The following CDIP1 variants were observed in gnomAD, a reference collection of about 807,000 sequenced individuals.
CDIP1 encodes cell death-inducing p53-target protein 1.
A neutral mutation model predicts 17.7 loss-of-function variants in CDIP1; 9 were observed. The ratio of observed to expected loss-of-function variants is 0.51; its 90% CI spans 0.31 to 0.89. CDIP1 has a LOEUF of 0.89. Ranked by LOEUF, CDIP1 falls within the 40% of genes least tolerant of loss-of-function variation. The pLI is 0.05. For synonymous variants in CDIP1, 117 were observed against 109.5 expected (o/e 1.07, Z -0.43); for missense variants, 263 against 277.9 (o/e 0.95, Z 0.38).
intron 1 of CDIP1, among the ~76,000 whole-genome samples, chr16:4,520,084 A>C (rs2058929567): frequency 6.6e-6 from 1 of 151,720 alleles, no homozygotes; most frequent in Admixed American, 6.6e-5. Flanking sequence ...AGCACAATGG[A>C]CTAATACTAC....
intron 1 of CDIP1, among the ~76,000 whole-genome samples, chr16:4,528,557 C>A (rs2059023731): frequency 6.6e-6 from 1 of 151,980 alleles, no homozygotes; most frequent in African/African-American, 2.4e-5. Flanking sequence ...TGGCTCACGC[C>A]TATAATCCCA....
chr16:4,531,001 T>A (rs11644481), intron 1 of CDIP1, among the ~76,000 whole-genome samples: 3 of 151,462 alleles, frequency 2.0e-5, no homozygotes, highest in East Asian at 1.9e-4. Context: ...AAACAGGAGC[T>A]CACGTCATGA....
chr16:4,532,308 C>T (rs775879602), intron 1 of CDIP1: 1 of 152,266 alleles, frequency 6.6e-6, no homozygotes, highest in Non-Finnish European at 1.5e-5. Flanking sequence ...GGCAGATCAA[C>T]GTCTGTCTTA....
chr16:4,523,246 T>C (rs2058969046), intron 1 of CDIP1, among the ~76,000 whole-genome samples: 1 of 152,200 alleles, frequency 6.6e-6, no homozygotes, highest in African/African-American at 2.4e-5. Context: ...CTGGGCGCAG[T>C]GGCTCACGCC....
chr16:4,522,871 T>C (rs946831915), intron 1 of CDIP1, among the ~76,000 whole-genome samples: 15 of 152,312 alleles, frequency 9.8e-5, no homozygotes, highest in African/African-American at 3.6e-4. Flanking sequence ...TGGCCCACAC[T>C]AGGCCTTTCC....
At position 4,512,207 on chromosome 16, in the gene CDIP1, C is replaced by T. The variant is rs2058837342; in HGVS notation, c.*365G>A. ...ACTAACTGGCTAACTGCTCTGGCTG[C>T]TGTTGGTCCCAGGGGGAAAGAGTCT... is the stretch of plus-strand genomic sequence containing the variant. On this transcript the variant is annotated 3_prime_UTR_variant, in exon 6 of 6. Coordinates refer to ENST00000567695, the MANE Select transcript of CDIP1 (RefSeq NM_013399.3). The surrounding 1 kb of genome is among the most constrained non-coding windows in gnomAD (Gnocchi z 4.6). 3.6e-5 allele frequency: 10 copies of T among 280,926 alleles called. No homozygotes were observed. In the South Asian group the frequency reaches 4.1e-4, roughly 12 times the overall value. The allele number at this position is 280,926 out of a possible 1,614,324, so 17.4% of individuals were successfully genotyped here. A position where few individuals can be genotyped will look rare whatever the true frequency, so the allele number is the denominator to read the frequency against.
At chr16:4,523,254 G>A (rs1177176308) in intron 1 of CDIP1, among the ~76,000 whole-genome samples, 2 of 152,314 alleles carry the variant, frequency 1.3e-5, no homozygotes, top group Middle Eastern at 3.4e-3. Flanking sequence ...AGTGGCTCAC[G>A]CCTGTAATCC....
At chr16:4,519,122 AC>A in intron 1 of CDIP1, among the ~76,000 whole-genome samples, 1 of 151,914 alleles carries the variant, frequency 6.6e-6, no homozygotes, top group African/African-American at 2.4e-5. Context: ...ATAGTAAGTC[AC>A]TCCTATGGAA....
At chr16:4,534,880 G>A (rs1276028458) in intron 1 of CDIP1, among the ~76,000 whole-genome samples, 6 of 151,780 alleles carry the variant, frequency 4.0e-5, no homozygotes, top group Non-Finnish European at 5.9e-5. Context: ...CACCACACCC[G>A]GCTAATTTTG....
At chr16:4,525,275 T>A (rs528964864) in intron 1 of CDIP1, among the ~76,000 whole-genome samples, 3 of 152,174 alleles carry the variant, frequency 2.0e-5, no homozygotes, top group Non-Finnish European at 4.4e-5. Context: ...CTGGAGCAGA[T>A]GCTTCCGTAG....
rs1025188297 is a variant in CDIP1, at chr16:4,513,343, G to T, written c.242-279C>A. ...CATGGCCCGGTCCCTCTGCTCCTCTGTCTGTCTCCAGCATGCAAGGACAGG... is the reference window on the plus strand; with the variant it reads ...CATGGCCCGGTCCCTCTGCTCCTCTTTCTGTCTCCAGCATGCAAGGACAGG... On this transcript the variant is annotated intron_variant, in intron 4 of 5. Coordinates refer to ENST00000567695, the MANE Select transcript of CDIP1 (RefSeq NM_013399.3). This position sits in a 1 kb window ranked among gnomAD's most constrained non-coding sequence, Gnocchi z 4.1. Among the ~76,000 whole-genome samples, 1 of 152,066 alleles carries T rather than the reference G, an allele frequency of 6.6e-6. No homozygotes were observed. Among genetic ancestry groups the T allele is most frequent in the Non-Finnish European group, 1.5e-5 (1 of 68,010 alleles).
rs146416748 is a variant in CDIP1, at chr16:4,514,138, G to C, written c.-8C>G. On this transcript the variant is annotated 5_prime_UTR_variant, in exon 3 of 6. Coordinates refer to ENST00000567695, the MANE Select transcript of CDIP1 (RefSeq NM_013399.3). The surrounding 1 kb of genome is among the most constrained non-coding windows in gnomAD (Gnocchi z 5.2). ...GGGAGGCTCGCTGGACATCTTCGCT[G>C]CTTCTCCTGGACATGGAGGGAAAAC... 3.8e-4 allele frequency: 581 copies of C among 1,528,956 alleles called. 3 individuals are homozygous for C. In the African/African-American group the frequency reaches 7.9e-3, roughly 21 times the overall value. The allele number at this position is 1,528,956 out of a possible 1,614,324, so 94.7% of individuals were successfully genotyped here. A position where few individuals can be genotyped will look rare whatever the true frequency, so the allele number is the denominator to read the frequency against.
At chr16:4,527,371 G>T (rs989965682) in intron 1 of CDIP1, among the ~76,000 whole-genome samples, 3 of 152,154 alleles carry the variant, frequency 2.0e-5, no homozygotes, top group African/African-American at 4.8e-5. Flanking sequence ...ACAGGCAAGT[G>T]CCACCGCACC....
At chr16:4,522,255 G>A (rs1237531021) in intron 1 of CDIP1, among the ~76,000 whole-genome samples, 1 of 152,224 alleles carries the variant, frequency 6.6e-6, no homozygotes, top group Non-Finnish European at 1.5e-5. Flanking sequence ...GGTGGGCTGT[G>A]GAAATGCCAG....
In CDIP1 at chr16:4,513,286, G is replaced by A. The variant is rs1414468348; in HGVS notation, c.242-222C>T. Among the ~76,000 whole-genome samples, 4 of 152,116 alleles carry A rather than the reference G, an allele frequency of 2.6e-5. No homozygotes were observed. Among genetic ancestry groups the A allele is most frequent in the Non-Finnish European group, 5.9e-5 (4 of 67,980 alleles). ...GCCCTTCCTGGTCCCCACCCCTTGG[G>A]GCCCATGACAGATGTGGCAGAGAGC... is the stretch of plus-strand genomic sequence containing the variant. On this transcript the variant is annotated intron_variant, in intron 4 of 5. Coordinates refer to ENST00000567695, the MANE Select transcript of CDIP1 (RefSeq NM_013399.3). This position sits in a 1 kb window ranked among gnomAD's most constrained non-coding sequence, Gnocchi z 4.1.
rs1386459866 is a variant in CDIP1 at position 4,514,197 on chromosome 16, TCTC to T, written c.-14-56_-14-54del. 3.7e-6 allele frequency: 4 copies of T among 1,082,672 alleles called. No individual in the cohort carries two copies. Among genetic ancestry groups the T allele is most frequent in the South Asian group, 3.1e-5 (2 of 63,796 alleles). The allele number at this position is 1,082,672 out of a possible 1,614,324, so 67.1% of individuals were successfully genotyped here. Reference sequence around the variant, plus strand: ...GAACTAAGCTCCCAGCCAGGTTCCTTCTCCTTCAGCCCTGTGGGGTGGCCAAGA... The same window carrying T: ...GAACTAAGCTCCCAGCCAGGTTCCTTCTTCAGCCCTGTGGGGTGGCCAAGA... On this transcript the variant is annotated intron_variant, in intron 2 of 5. Coordinates refer to ENST00000567695, the MANE Select transcript of CDIP1 (RefSeq NM_013399.3). This position sits in a 1 kb window ranked among gnomAD's most constrained non-coding sequence, Gnocchi z 5.2.
Position 4,512,261 on chromosome 16 carries a change from A to G in CDIP1, c.*311T>C. The G allele has an allele frequency of 4.4e-6, 2 of 454,168 alleles. No homozygotes were observed. Among genetic ancestry groups the G allele is most frequent in the Non-Finnish European group, 8.2e-6 (2 of 245,018 alleles). 28.1% of individuals were successfully genotyped at this position (454,168 alleles called of 1,614,324 possible). On this transcript the variant is annotated 3_prime_UTR_variant, in exon 6 of 6. Coordinates refer to ENST00000567695, the MANE Select transcript of CDIP1 (RefSeq NM_013399.3). The surrounding 1 kb of genome is among the most constrained non-coding windows in gnomAD (Gnocchi z 4.6). Reference sequence around the variant, plus strand: ...CTGAACCTGTACCTTGTTTGGAAACAGAGGCATCAGGACCCCAGCAGGAGA... The same window carrying G: ...CTGAACCTGTACCTTGTTTGGAAACGGAGGCATCAGGACCCCAGCAGGAGA...
Position 4,513,152 on chromosome 16 carries a change from C to T in CDIP1, c.242-88G>A. On this transcript the variant is annotated intron_variant, in intron 4 of 5. Transcript: ENST00000567695. The surrounding 1 kb of genome is among the most constrained non-coding windows in gnomAD (Gnocchi z 4.1). ...GATTGGCGCAAAGCCCCACGGTCCACAGCGCCCAGCGTGCAAGGCTACGCC... is the reference window on the plus strand; with the variant it reads ...GATTGGCGCAAAGCCCCACGGTCCATAGCGCCCAGCGTGCAAGGCTACGCC... 7.5e-7 allele frequency: 1 copy of T among 1,326,530 alleles called. No homozygotes were observed. The highest frequency in any genetic ancestry group is 1.0e-6 in the Non-Finnish European group (1 of 992,410). The allele number at this position is 1,326,530 out of a possible 1,614,324, so 82.2% of individuals were successfully genotyped here.
At position 4,511,028 on chromosome 16, in the gene CDIP1, T is replaced by C. The variant is rs890360852; in HGVS notation, c.*1544A>G. Reference sequence around the variant, plus strand: ...AGATCCCATGCGTGGATGCCATATATAGATGGTTGAAACCAGCATCAGAGG... The same window carrying C: ...AGATCCCATGCGTGGATGCCATATACAGATGGTTGAAACCAGCATCAGAGG... On this transcript the variant is annotated 3_prime_UTR_variant, in exon 6 of 6. Transcript: ENST00000567695. 12 of 152,210 alleles carry C rather than the reference T, an allele frequency of 7.9e-5. No homozygotes were observed. Among genetic ancestry groups the C allele is most frequent in the African/African-American group, 2.9e-4 (12 of 41,430 alleles). The allele number at this position is 152,210 out of a possible 1,614,324, so 9.4% of individuals were successfully genotyped here. A position where few individuals can be genotyped will look rare whatever the true frequency, so the allele number is the denominator to read the frequency against.
Sources: gnomAD v4.1 joint callset for allele counts (sites outside exome capture counted in the v4.1 genomes callset) on GRCh38, gnomAD v4.1.1 for gene constraint, Gnocchi (gnomAD v3.1) non-coding constraint, MANE v1.5 for transcripts, NCBI Gene and HGNC (gene_info 2026-07-23, HGNC 2026-07-21) for gene names.